PRELID2: variants seen among roughly 807,000 people sequenced by gnomAD.
PRELID2 encodes PRELI domain containing 2.
PRELID2 carries 25 observed loss-of-function variants against 28.4 expected under a neutral mutation model. That is an observed-to-expected ratio of 0.88 (90% CI 0.64 to 1.23). The LOEUF is 1.23. Ranked by LOEUF, PRELID2 falls within the 50% of genes most tolerant of loss-of-function variation. The pLI is 0.00. For synonymous variants in PRELID2, 76 were observed against 71.6 expected (o/e 1.06, Z -0.31); for missense variants, 201 against 214.4 (o/e 0.94, Z 0.39).
chr5:145,821,152 G>GGGGTGTGTGTGTGTGTGTGTGTGT (rs1471788872), intron 2 of PRELID2, among the ~76,000 whole-genome samples: 21 of 88,262 alleles, frequency 2.4e-4, no homozygotes, highest in South Asian at 8.9e-4. Context: ...AACTCTCCTG[G>GGGGTGTGTGTGTGTGTGTGTGTGT]GTGTGTGTGT....
At chr5:145,275,233 A>G in the PRELID2 span, among the ~76,000 whole-genome samples, 1 of 152,012 alleles carries the variant, frequency 6.6e-6, no homozygotes, top group Admixed American at 6.6e-5. Context: ...TGTGCAAGGC[A>G]CTGCAGATAA....
the PRELID2 span, among the ~76,000 whole-genome samples, chr5:145,371,018 T>C: frequency 1.3e-5 from 2 of 151,706 alleles, no homozygotes; most frequent in South Asian, 4.1e-4. Context: ...GTTTTGGAAC[T>C]GAGATGGGGT....
At position 145,699,585 on chromosome 5, in the gene PRELID2, C is replaced by A. The variant is rs150588218; in HGVS notation, n.70+65346G>T. Among the ~76,000 whole-genome samples the A allele has an allele frequency of 5.3e-5, 8 of 152,258 alleles. No homozygotes were observed. The East Asian group carries it at 1.5e-3, about 29-fold the overall frequency. ...TTGACATTGATGAAATAGGAAAACC[C>A]TTGCACCACAGCCTTCTTCCCATTT... On this transcript the variant is annotated intron_variant and non_coding_transcript_variant, in intron 1 of 2. Coordinates refer to the PRELID2 transcript ENST00000510259.
At position 145,650,426 on chromosome 5, in the gene PRELID2, A is replaced by G. The variant is rs866623731; in HGVS notation, n.70+114505T>C. Among the ~76,000 whole-genome samples the G allele has an allele frequency of 8.6e-5, 13 of 151,038 alleles. 3 individuals are homozygous for G. In the Middle Eastern group the frequency reaches 0.042, roughly 484 times the overall value. ...TTTAAATGTATCATTCCGCCTGTTT[A>G]GTTGTTCTCATCCAGAGTTTTGGTC... is the stretch of plus-strand genomic sequence containing the variant. On this transcript the variant is annotated intron_variant and non_coding_transcript_variant, in intron 1 of 2. Transcript: ENST00000510259.
At chr5:145,410,149 C>T in the PRELID2 span, among the ~76,000 whole-genome samples, 2 of 152,206 alleles carry the variant, frequency 1.3e-5, no homozygotes, top group South Asian at 4.1e-4. Flanking sequence ...TCACCTTATA[C>T]ATAAATCAAG....
the PRELID2 span, among the ~76,000 whole-genome samples, chr5:145,315,226 C>A: frequency 6.6e-6 from 1 of 151,790 alleles, no homozygotes; most frequent in Admixed American, 6.6e-5. Context: ...CGTGCCACCA[C>A]GCCCAGCTAA....
In PRELID2 at chr5:145,557,169, T is replaced by A. The variant is rs565008697; in HGVS notation, n.71-83854A>T. On this transcript the variant is annotated intron_variant and non_coding_transcript_variant, in intron 1 of 2. Coordinates refer to the PRELID2 transcript ENST00000510259. Reference sequence around the variant, plus strand: ...AAATACTTGTTAAATAAATTTTGAATGACTAGAATTGGTAAGAAAACAATC... The same window carrying A: ...AAATACTTGTTAAATAAATTTTGAAAGACTAGAATTGGTAAGAAAACAATC... Among the ~76,000 whole-genome samples, 14 of 152,310 alleles carry A rather than the reference T, an allele frequency of 9.2e-5. No homozygotes were observed. In the East Asian group the frequency reaches 2.3e-3, roughly 25 times the overall value.
intron 1 of PRELID2, among the ~76,000 whole-genome samples, chr5:145,582,500 G>A (rs1753115649): frequency 6.6e-6 from 1 of 151,860 alleles, no homozygotes; most frequent in South Asian, 2.1e-4. Flanking sequence ...CCAACACATG[G>A]GGATTACAAG....
the PRELID2 span, among the ~76,000 whole-genome samples, chr5:145,393,554 G>A: frequency 3.3e-5 from 5 of 152,320 alleles, no homozygotes; most frequent in East Asian, 7.7e-4. Flanking sequence ...GCAAACTACA[G>A]AAAATGGAAA....
At chr5:145,418,881 A>C in the PRELID2 span, among the ~76,000 whole-genome samples, 92,304 of 138,416 alleles carry the variant, frequency 0.67, 31,221 homozygotes, top group Non-Finnish European at 0.72. Context: ...CCTCCCCCCT[A>C]CCCCCACCCC....
At chr5:145,644,726 A>G (rs1035877772) in intron 1 of PRELID2, among the ~76,000 whole-genome samples, 2 of 152,032 alleles carry the variant, frequency 1.3e-5, no homozygotes, top group African/African-American at 2.4e-5. Context: ...CTTTGTTCTT[A>G]TTGGTTTCAA....
In PRELID2 at chr5:145,687,781, T is replaced by A. The variant is rs145354357; in HGVS notation, n.70+77150A>T. ...TCATTGTCCACAAACTACCAGTATT[T>A]CCTAACTTTAAATCAATTAAATATT... On this transcript the variant is annotated intron_variant and non_coding_transcript_variant, in intron 1 of 2. Transcript: ENST00000510259. Among the ~76,000 whole-genome samples the A allele has an allele frequency of 1.7e-3, 260 of 152,336 alleles. 6 individuals carry two copies. The East Asian group carries it at 0.042, about 25-fold the overall frequency.
chr5:145,400,095 T>C, the PRELID2 span, among the ~76,000 whole-genome samples: 1 of 152,162 alleles, frequency 6.6e-6, no homozygotes, highest in African/African-American at 2.4e-5. Flanking sequence ...CTTTATTGGA[T>C]AATGGCTAGA....
chr5:145,684,595 G>A (rs1388750539), intron 1 of PRELID2, among the ~76,000 whole-genome samples: 1 of 152,230 alleles, frequency 6.6e-6, no homozygotes. Flanking sequence ...TTTCACAGAT[G>A]AGAAAATATG....
chr5:145,411,944 T>C, the PRELID2 span, among the ~76,000 whole-genome samples: 1 of 152,192 alleles, frequency 6.6e-6, no homozygotes, highest in Non-Finnish European at 1.5e-5. Flanking sequence ...TCCCGAGCTG[T>C]ACCTTGGCCC....
intron 1 of PRELID2, among the ~76,000 whole-genome samples, chr5:145,547,675 T>C (rs1215531128): frequency 6.6e-6 from 1 of 152,154 alleles, no homozygotes; most frequent in Non-Finnish European, 1.5e-5. Flanking sequence ...TGAAACCATA[T>C]AACAAGGTGG....
chr5:145,830,833 TG>T (rs1293032725), intron 1 of PRELID2, among the ~76,000 whole-genome samples: 1 of 152,216 alleles, frequency 6.6e-6, no homozygotes, highest in African/African-American at 2.4e-5. Flanking sequence ...AACAGGCAGA[TG>T]TAAGAAGAGC....
intron 1 of PRELID2, among the ~76,000 whole-genome samples, chr5:145,551,524 A>T (rs1752834144): frequency 6.6e-6 from 1 of 152,234 alleles, no homozygotes; most frequent in African/African-American, 2.4e-5. Context: ...ACCCAATCAC[A>T]AGTGATGACC....
At chr5:145,253,254 T>A in the PRELID2 span, among the ~76,000 whole-genome samples, 1 of 152,194 alleles carries the variant, frequency 6.6e-6, no homozygotes, top group Non-Finnish European at 1.5e-5. Flanking sequence ...GTAGAACCTG[T>A]GGTTGACTAT....
Sources: allele counts gnomAD v4.1 joint callset (sites outside exome capture counted in the v4.1 genomes callset), GRCh38; gene constraint gnomAD v4.1.1; transcripts MANE v1.5; gene names NCBI Gene and HGNC (gene_info 2026-07-23, HGNC 2026-07-21).